EPHA2: variants seen among roughly 807,000 people sequenced by gnomAD.
EPHA2 encodes EPH receptor A2.
Under a neutral mutation model 104.9 loss-of-function variants are expected in EPHA2, and 54 were observed. The ratio of observed to expected loss-of-function variants is 0.51; its 90% CI spans 0.41 to 0.65. EPHA2 has a LOEUF of 0.65. Among genes scored for constraint, EPHA2 ranks in the 30% least tolerant of loss-of-function variants. The pLI is 0.00. For synonymous variants in EPHA2, 560 were observed against 559.1 expected (o/e 1.00, Z -0.02); for missense variants, 1,117 against 1,369.5 (o/e 0.82, Z 2.91).
At position 16,155,865 on chromosome 1, in the gene EPHA2, G is replaced by A. The variant is rs2124283136; in HGVS notation, c.68C>T (p.Ala23Val). 2.1e-6 allele frequency: 3 copies of A among 1,456,302 alleles called. No homozygotes were observed. Among genetic ancestry groups the A allele is most frequent in the Non-Finnish European group, 9.0e-7 (1 of 1,110,444 alleles). 90.2% of individuals were successfully genotyped at this position (1,456,302 alleles called of 1,614,324 possible). The change falls in exon 1 of 17, where the codon GCG (alanine) becomes GTG (valine). Residue 23 changes from alanine (A) to valine (V), a missense_variant. This residue lies in a region of EPHA2 where 664 missense variants were observed against 784.8 expected (regional missense o/e 0.85). Coordinates refer to ENST00000358432, the MANE Select transcript of EPHA2 (RefSeq NM_004431.5). ...LWGCALAAAA[A>V]AQGKEVVLLD... is the part of the protein sequence containing the mutation. ...GCACTCACCTTCCTTGCCCTGCGCC[G>A]CCGCGGCCGCGGCCAGCGCACAGCC...
rs1285228657 is a variant in EPHA2 at position 16,134,997 on chromosome 1, G to T, written c.1582+39C>A. On this transcript the variant is annotated intron_variant, in intron 7 of 16. Transcript: ENST00000358432. This position sits in a 1 kb window ranked among gnomAD's most constrained non-coding sequence, Gnocchi z 4.5. ...AAGATGTCTCAATTGCTTGGTTCTGGGCCCTGGCCTGGTCCATGCCCAGGG... is the reference window on the plus strand; with the variant it reads ...AAGATGTCTCAATTGCTTGGTTCTGTGCCCTGGCCTGGTCCATGCCCAGGG... 6.2e-7 allele frequency: 1 copy of T among 1,607,802 alleles called. No individual in the cohort carries two copies. The highest frequency in any genetic ancestry group is 8.5e-7 in the Non-Finnish European group (1 of 1,179,758).
chr1:16,142,884 G>T (rs2024850973), intron 3 of EPHA2, among the ~76,000 whole-genome samples: 1 of 146,694 alleles, frequency 6.8e-6, no homozygotes, highest in Non-Finnish European at 1.5e-5. Context: ...ATGGACAGAT[G>T]AATGGACAAG....
Position 16,155,914 on chromosome 1 carries a change from G to T in EPHA2, c.19C>A (p.Arg7Ser). ...CCCCACAGCAGGGCGAAGCAGGCGC[G>T]GGCTGCCTGGAGCTCCATGCCGCGC... MELQAA[R>S]ACFALLWGCA... Residue 7 changes from arginine to serine, a missense_variant, in exon 1 of 17, where the codon CGC becomes AGC. Transcript: ENST00000358432. 2 of 1,489,036 alleles carry T rather than the reference G, an allele frequency of 1.3e-6. No homozygotes were observed. Among genetic ancestry groups the T allele is most frequent in the South Asian group, 1.3e-5 (1 of 79,080 alleles). 92.2% of individuals were successfully genotyped at this position (1,489,036 alleles called of 1,614,324 possible).
chr1:16,129,303 G>A (rs1352031540), intron 16 of EPHA2, 131 bp downstream of exon 16: 3 of 1,143,930 alleles, frequency 2.6e-6, no homozygotes, highest in Admixed American at 4.2e-5. Context: ...CTTCCAAGGA[G>A]CCTCTTCCCA....
chr1:16,136,482 G>A (rs955755596), intron 5 of EPHA2, among the ~76,000 whole-genome samples: 1 of 150,932 alleles, frequency 6.6e-6, no homozygotes, highest in Non-Finnish European at 1.5e-5. Context: ...AGCTGGGCAT[G>A]GTGGCGCATG....
intron 5 of EPHA2, among the ~76,000 whole-genome samples, chr1:16,136,615 G>A (rs569709734): frequency 7.8e-5 from 11 of 141,266 alleles, no homozygotes; most frequent in South Asian, 2.3e-4. Context: ...GCAAAACTCC[G>A]TCTCAAAAAA....
intron 5 of EPHA2, among the ~76,000 whole-genome samples, chr1:16,137,650 T>C (rs2024738425): frequency 6.6e-6 from 1 of 152,212 alleles, no homozygotes; most frequent in South Asian, 2.1e-4. Flanking sequence ...TTAAGATAAT[T>C]TACGAATTTG....
At position 16,150,973 on chromosome 1, in the gene EPHA2, A is replaced by G; in HGVS notation, c.86-10T>C. 1 of 1,613,958 alleles carries G rather than the reference A, an allele frequency of 6.2e-7. No homozygotes were observed. Among genetic ancestry groups the G allele is most frequent in the African/African-American group, 1.3e-5 (1 of 75,014 alleles). On this transcript the variant is annotated splice_polypyrimidine_tract_variant and intron_variant, in intron 1 of 16. Coordinates refer to ENST00000358432, the MANE Select transcript of EPHA2 (RefSeq NM_004431.5). This position sits in a 1 kb window ranked among gnomAD's most constrained non-coding sequence, Gnocchi z 4.8. ...AAGTCCAGCAGTACCACTGAAAGGGAGAAGGGAGAGGGGGTGAGCCTGGGG... is the reference window on the plus strand; with the variant it reads ...AAGTCCAGCAGTACCACTGAAAGGGGGAAGGGAGAGGGGGTGAGCCTGGGG...
chr1:16,138,551 G>C, intron 3 of EPHA2, 121 bp from the exon 4 acceptor site: 1 of 1,431,792 alleles, frequency 7.0e-7, no homozygotes, highest in South Asian at 1.2e-5. Flanking sequence ...AAATCTCTAT[G>C]GACCTGTTTT....
chr1:16,131,968 G>A lies in EPHA2; in HGVS notation c.2325+96C>T. On this transcript the variant is annotated intron_variant, in intron 13 of 16. Coordinates refer to ENST00000358432, the MANE Select transcript of EPHA2 (RefSeq NM_004431.5). The surrounding 1 kb of genome is among the most constrained non-coding windows in gnomAD (Gnocchi z 5.2). Reference sequence around the variant, plus strand: ...GACCCCTCCCTGGACTCCTACAGGTGTTCTGCCTCCTGAAGCACTGCCCAG... The same window carrying A: ...GACCCCTCCCTGGACTCCTACAGGTATTCTGCCTCCTGAAGCACTGCCCAG... The A allele has an allele frequency of 5.6e-6, 9 of 1,605,532 alleles. No individual in the cohort carries two copies. The highest frequency in any genetic ancestry group is 7.7e-6 in the Non-Finnish European group (9 of 1,175,332).
rs2024971087 is a variant in EPHA2, at chr1:16,148,400, C to T, written c.801G>A (p.Glu267=). The change falls in exon 3 of 17, where the codon GAG becomes GAA. Residue 267 remains glutamate, a synonymous_variant. Transcript: ENST00000358432. This position sits in a 1 kb window ranked among gnomAD's most constrained non-coding sequence, Gnocchi z 4.9. ...IGQCLCQAGY[E]KVEDACQACS... ...CACCCTGGCAGGCATCCTCCACCTTCTCGTAGCCTGCCTGGCACAGGCACT... is the reference window on the plus strand; with the variant it reads ...CACCCTGGCAGGCATCCTCCACCTTTTCGTAGCCTGCCTGGCACAGGCACT... 5 of 1,613,776 alleles carry T rather than the reference C, an allele frequency of 3.1e-6. No individual in the cohort carries two copies. Among genetic ancestry groups the T allele is most frequent in the Non-Finnish European group, 4.2e-6 (5 of 1,180,050 alleles).
chr1:16,151,094 C>T (rs2025026578), intron 1 of EPHA2, 131 bp from the exon 2 acceptor site: 6 of 802,924 alleles, frequency 7.5e-6, no homozygotes, highest in South Asian at 1.5e-5. Context: ...CACACAGGGT[C>T]ACCATATCCA....
At chr1:16,140,371 C>G (rs1019232825) in intron 3 of EPHA2, among the ~76,000 whole-genome samples, 1 of 152,216 alleles carries the variant, frequency 6.6e-6, no homozygotes, top group Admixed American at 6.5e-5. Context: ...GACTCCTGCT[C>G]TGCACAGAGC....
chr1:16,139,918 T>C (rs1306959518), intron 3 of EPHA2, among the ~76,000 whole-genome samples: 1 of 152,174 alleles, frequency 6.6e-6, no homozygotes, highest in African/African-American at 2.4e-5. Flanking sequence ...AGGCAGCTTT[T>C]GTCCAAGACC....
At chr1:16,145,479 A>G (rs2024916318) in intron 3 of EPHA2, among the ~76,000 whole-genome samples, 1 of 152,058 alleles carries the variant, frequency 6.6e-6, no homozygotes, top group Admixed American at 6.5e-5. Flanking sequence ...TAACCTAGAC[A>G]AGGTGCCAGG....
chr1:16,137,374 G>A (rs1046775605), intron 5 of EPHA2, among the ~76,000 whole-genome samples: 74 of 151,954 alleles, frequency 4.9e-4, no homozygotes, highest in Non-Finnish European at 9.6e-4. Context: ...CGAGGCGGGC[G>A]GATCGCAAGG....
intron 1 of EPHA2, among the ~76,000 whole-genome samples, chr1:16,154,596 G>T (rs1019938571): frequency 1.1e-4 from 16 of 151,772 alleles, no homozygotes; most frequent in African/African-American, 3.1e-4. Context: ...TCCACTAAAA[G>T]ATGCAAAAAT....
intron 1 of EPHA2, among the ~76,000 whole-genome samples, chr1:16,151,595 C>A (rs968981137): frequency 3.3e-5 from 5 of 152,120 alleles, no homozygotes; most frequent in African/African-American, 1.2e-4. Flanking sequence ...GGAAACCGAT[C>A]TTCTCACCAC....
intron 16 of EPHA2, among the ~76,000 whole-genome samples, chr1:16,127,991 T>C (rs778514994): frequency 1.3e-5 from 2 of 152,122 alleles, no homozygotes; most frequent in South Asian, 2.1e-4. Flanking sequence ...TGTGTTGTCC[T>C]TGGTGGGAGC....
Sources: gnomAD v4.1 joint callset for allele counts (sites outside exome capture counted in the v4.1 genomes callset) on GRCh38, gnomAD v4.1.1 for gene constraint, gnomAD v4.1.1 regional missense constraint, Gnocchi (gnomAD v3.1) non-coding constraint, MANE v1.5 for transcripts, NCBI Gene and HGNC (gene_info 2026-07-23, HGNC 2026-07-21) for gene names.